The following EXOSC10 variants were observed in gnomAD, a reference collection of about 807,000 sequenced individuals.
The protein encoded by EXOSC10 is exosome complex component 10.
EXOSC10 carries 94 observed loss-of-function variants against 126.6 expected under a neutral mutation model. The ratio of observed to expected loss-of-function variants is 0.74; its 90% confidence interval spans 0.63 to 0.88. The LOEUF (loss-of-function observed/expected upper bound fraction) is 0.88. EXOSC10 is among the 40% of genes least tolerant of loss of function. The probability of loss-of-function intolerance (pLI) is 0.00; values close to 1 mark genes in which losing one functional copy is unlikely to be tolerated. For missense variants in EXOSC10, 1,041 were observed against 1,100.5 expected, an observed-to-expected ratio of 0.95 and a Z score of 0.77; for synonymous variants, 395 against 400.8, an observed-to-expected ratio of 0.99 and a Z score of 0.17.
At chr1:11,080,575 C>T in intron 12 of EXOSC10, 26 bp from the exon 13 acceptor site, 1 of 1,551,604 alleles carries the variant, frequency 6.4e-7, no homozygotes, top group African/African-American at 1.5e-5. Context: ...CACACACACA[C>T]ACACACACAC....
intron 10 of EXOSC10, 24 bp downstream of exon 10, chr1:11,082,664 T>C: frequency 6.2e-7 from 1 of 1,612,576 alleles, no homozygotes; most frequent in East Asian, 2.2e-5. Flanking sequence ...GCCACCCACA[T>C]TTCCTCAGTA....
intron 22 of EXOSC10, among the ~76,000 whole-genome samples, chr1:11,069,165 A>G (rs977233977): frequency 6.6e-6 from 1 of 152,028 alleles, no homozygotes; most frequent in African/African-American, 2.4e-5. Flanking sequence ...ACGGACTCTC[A>G]CAGCCCAAGC....
intron 19 of EXOSC10, 57 bp downstream of exon 19, chr1:11,073,877 C>CA (rs770965502): frequency 0.037 from 19,811 of 533,344 alleles, 217 homozygotes; most frequent in African/African-American, 0.15. Flanking sequence ...GACTCCATCT[C>CA]AAAAAAAAAA....
intron 23 of EXOSC10, 190 bp downstream of exon 23, chr1:11,068,455 C>T: frequency 1.6e-6 from 1 of 613,416 alleles, no homozygotes; most frequent in Non-Finnish European, 2.9e-6. Flanking sequence ...AGCCACATGC[C>T]AGCTTTTACA....
chr1:11,092,521 CTT>C (rs201402155), intron 3 of EXOSC10, among the ~76,000 whole-genome samples: 28 of 138,230 alleles, frequency 2.0e-4, no homozygotes, highest in East Asian at 4.2e-4. Flanking sequence ...CCCTGTTTTT[CTT>C]TTTTTTTTTT....
chr1:11,087,955 A>AT (rs1640592934), intron 7 of EXOSC10, 45 bp from the exon 8 acceptor site: 2 of 1,336,636 alleles, frequency 1.5e-6, no homozygotes, highest in African/African-American at 2.9e-5. Flanking sequence ...TATAGAAATC[A>AT]TCCCCCAGTA....
At chr1:11,067,966 T>G in intron 24 of EXOSC10, 42 bp downstream of exon 24, 1 of 1,585,704 alleles carries the variant, frequency 6.3e-7, no homozygotes, top group Non-Finnish European at 8.7e-7. Flanking sequence ...GCAGGTGCTT[T>G]CTCACTGGGC....
chr1:11,079,914 C>G lies in EXOSC10; in HGVS notation c.1638-92G>C. On this transcript the variant is annotated intron_variant, in intron 13 of 24. Transcript: ENST00000376936. ...AGAATAATGACTGGGTAAAGCCAGG[C>G]TGCCACCTAAGCTGAAGCTACAGGT... 4.8e-6 allele frequency: 5 copies of G among 1,044,456 alleles called. No individual in the cohort carries two copies. The South Asian group carries it at 5.6e-5, about 12-fold the overall frequency. 64.7% of individuals were successfully genotyped at this position (1,044,456 alleles called of 1,614,324 possible).
At chr1:11,089,495 A>G (rs2100216534) in intron 6 of EXOSC10, among the ~76,000 whole-genome samples, 1 of 150,944 alleles carries the variant, frequency 6.6e-6, no homozygotes, top group Non-Finnish European at 1.5e-5. Flanking sequence ...GCACATGCCT[A>G]TAATAATCCC....
chr1:11,092,317 C>A (rs531028593), intron 3 of EXOSC10, among the ~76,000 whole-genome samples: 1 of 152,194 alleles, frequency 6.6e-6, no homozygotes, highest in African/African-American at 2.4e-5. Context: ...CGGGTTCAAG[C>A]GATTCTCCTG....
At position 11,077,637 on chromosome 1, in the gene EXOSC10, G is replaced by A. The variant is rs756367158; in HGVS notation, c.1764C>T (p.Ala588=). ...GCAGCGGTCCGCTCTTCTTCACTCC[G>A]GCTGCAACTTCAGACTAAGGAAAAA... The part of the protein sequence containing the change: ...EMPLLKSEVA[A]GVKKSGPLPS... Residue 588 remains alanine, a synonymous_variant, in exon 15 of 25, where the codon GCC becomes GCT. Coordinates refer to ENST00000376936, the MANE Select transcript of EXOSC10 (RefSeq NM_001001998.3). 11 of 1,609,918 alleles carry A rather than the reference G, an allele frequency of 6.8e-6. No individual in the cohort carries two copies. Among genetic ancestry groups the A allele is most frequent in the South Asian group, 4.4e-5 (4 of 90,990 alleles).
At chr1:11,099,286 T>C (rs1337791616) in intron 1 of EXOSC10, among the ~76,000 whole-genome samples, 1 of 152,148 alleles carries the variant, frequency 6.6e-6, no homozygotes, top group Non-Finnish European at 1.5e-5. Context: ...AAAAATTATG[T>C]AGGACTGGAC....
intron 14 of EXOSC10, among the ~76,000 whole-genome samples, chr1:11,079,278 G>A (rs1251632446): frequency 3.3e-5 from 5 of 149,862 alleles, no homozygotes; most frequent in Non-Finnish European, 5.9e-5. Context: ...GCAGTGAGCC[G>A]AGATCATGCC....
At position 11,073,927 on chromosome 1, in the gene EXOSC10, C is replaced by T. The variant is rs145888478; in HGVS notation, c.2157+7G>A. 7,332 of 1,429,440 alleles carry T rather than the reference C, an allele frequency of 5.1e-3. 28 individuals carry two copies. Among genetic ancestry groups the T allele is most frequent in the Non-Finnish European group, 6.6e-3 (6,683 of 1,013,226 alleles). 88.5% of individuals were successfully genotyped at this position (1,429,440 alleles called of 1,614,324 possible). On this transcript the variant is annotated splice_region_variant and intron_variant, in intron 19 of 24. Transcript: ENST00000376936. Reference sequence around the variant, plus strand: ...TCTCTTTTAGAACAGGTGACAAGTCCACTTACTTCATAGATTTTGGTTGAT... The same window carrying T: ...TCTCTTTTAGAACAGGTGACAAGTCTACTTACTTCATAGATTTTGGTTGAT...
intron 13 of EXOSC10, 118 bp from the exon 14 acceptor site, chr1:11,079,940 A>C (rs1208918444): frequency 2.6e-6 from 2 of 778,226 alleles, no homozygotes; most frequent in Non-Finnish European, 4.3e-6. Context: ...AGCTACAGGT[A>C]GGTGACTAAG....
chr1:11,077,025 G>T, intron 16 of EXOSC10, 77 bp from the exon 17 acceptor site: 1 of 1,107,204 alleles, frequency 9.0e-7, no homozygotes, highest in Non-Finnish European at 1.4e-6. Flanking sequence ...GAGTTTTAGT[G>T]TAGTCCCCTA....
chr1:11,082,904 G>C (rs199570738), intron 9 of EXOSC10, 26 bp from the exon 10 acceptor site: 236 of 1,577,794 alleles, frequency 1.5e-4, no homozygotes, highest in Non-Finnish European at 1.2e-5. Flanking sequence ...AAGTCATGCA[G>C]TACACTGGTA....
At position 11,069,629 on chromosome 1, in the gene EXOSC10, C is replaced by T. The variant is rs1179628415; in HGVS notation, c.2418G>A (p.Lys806=). Reference sequence around the variant, plus strand: ...ACTCTTTTTCTGGTGGCTCTGGGTCCTTTGGCTTCTTGGAAATTTTGAGTC... The same window carrying T: ...ACTCTTTTTCTGGTGGCTCTGGGTCTTTTGGCTTCTTGGAAATTTTGAGTC... ...KKRLKISKKP[K]DPEPPEKEFT... is the part of the protein sequence containing the mutation. The change falls in exon 22 of 25, where the codon AAG becomes AAA. Residue 806 remains lysine (K), a synonymous_variant. Transcript: ENST00000376936. 1.2e-6 allele frequency: 2 copies of T among 1,614,204 alleles called. No homozygotes were observed. The highest frequency in any genetic ancestry group is 1.7e-6 in the Non-Finnish European group (2 of 1,180,038).
In EXOSC10 at chr1:11,081,223, C is replaced by T; in HGVS notation, c.1296G>A (p.Glu432=). ...ADWRIRPLPE[E]MLSYARDDTH... is the part of the protein sequence containing the mutation. ...TGTCATCCCGGGCGTAGCTGAGCAT[C>T]TCCTCGGGCAGAGGGCTGGAATTGC... The change falls in exon 11 of 25, where the codon GAG becomes GAA. Residue 432 remains glutamate, a synonymous_variant. Transcript: ENST00000376936. 1 of 1,614,186 alleles carries T rather than the reference C, an allele frequency of 6.2e-7. No homozygotes were observed. Among genetic ancestry groups the T allele is most frequent in the South Asian group, 1.1e-5 (1 of 91,088 alleles).
Sources: gnomAD v4.1 joint callset for allele counts (sites outside exome capture counted in the v4.1 genomes callset) on GRCh38, gnomAD v4.1.1 for gene constraint, MANE v1.5 for transcripts, NCBI Gene and HGNC (gene_info 2026-07-23, HGNC 2026-07-21) for gene names.